Variants in ALK observed in about 807,000 individuals in gnomAD.
ALK encodes ALK tyrosine kinase receptor.
Under a neutral mutation model 163.1 loss-of-function variants are expected in ALK, and 74 were observed. The observed-to-expected ratio is 0.45, with a 90% CI of 0.38 to 0.55. The LOEUF (loss-of-function observed/expected upper bound fraction) is 0.55. Among genes scored for constraint, ALK ranks in the 20% least tolerant of loss-of-function variants. The pLI, the probability that ALK is intolerant of heterozygous loss-of-function variation, is 0.00. For synonymous variants in ALK, 960 were observed against 843.2 expected, an observed-to-expected ratio of 1.14 and a Z score of -2.40; for missense variants, 2,063 against 2,105.3, an observed-to-expected ratio of 0.98 and a Z score of 0.39.
intron 3 of ALK, among the ~76,000 whole-genome samples, chr2:29,540,992 AAGT>A (rs1673397626): frequency 6.6e-6 from 1 of 152,094 alleles, no homozygotes. Flanking sequence ...TCTAAAAAAA[AAGT>A]AGTTTATAGA....
At chr2:29,556,345 T>C (rs1673860616) in intron 3 of ALK, among the ~76,000 whole-genome samples, 1 of 152,202 alleles carries the variant, frequency 6.6e-6, no homozygotes, top group Admixed American at 6.6e-5. Flanking sequence ...GAAACCCATG[T>C]AAAATGCTTA....
chr2:29,700,293 C>A (rs112833250), intron 2 of ALK, among the ~76,000 whole-genome samples: 8,428 of 152,236 alleles, frequency 0.055, 327 homozygotes, highest in African/African-American at 0.1. Context: ...CGCCTGTAAT[C>A]CCAGCACTTT....
chr2:29,660,049 C>T (rs13413921), intron 3 of ALK, among the ~76,000 whole-genome samples: 1,663 of 152,278 alleles, frequency 0.011, 15 homozygotes, highest in South Asian at 0.046. Context: ...AAATAGCCCT[C>T]TAATGTGTAC....
rs540527297 is a variant in ALK at position 29,602,832 on chromosome 2, C to T, written c.953-70716G>A. The stretch of plus-strand genomic sequence containing the variant: ...TATAAAAATATTTGAAACTGTATTC[C>T]GAGCCAGATGTGAAGACCATGACCT... On this transcript the variant is annotated intron_variant, in intron 3 of 28. Coordinates refer to ENST00000389048, the MANE Select transcript of ALK (RefSeq NM_004304.5). Among the ~76,000 whole-genome samples, 18 of 152,272 alleles carry T rather than the reference C, an allele frequency of 1.2e-4. No homozygotes were observed. The South Asian group carries it at 2.1e-3, about 18-fold the overall frequency.
intron 1 of ALK, among the ~76,000 whole-genome samples, chr2:29,844,988 C>T (rs1312446469): frequency 6.6e-6 from 1 of 152,042 alleles, no homozygotes; most frequent in South Asian, 2.1e-4. Context: ...CTGGGGGTTC[C>T]GGGGCTGTCG....
At chr2:29,226,297 G>A (rs1275670228) in intron 18 of ALK, among the ~76,000 whole-genome samples, 4 of 151,942 alleles carry the variant, frequency 2.6e-5, no homozygotes, top group Non-Finnish European at 5.9e-5. Context: ...TGGCCAAAAG[G>A]TGAAACCCTG....
rs114510636 is a variant in ALK at position 29,646,929 on chromosome 2, G to A, written c.952+47921C>T. ...AGTGTAAAAGGATCAAGAAAGCAGG[G>A]ATTGATGTTGATTGGGTTCACTGAT... On this transcript the variant is annotated intron_variant, in intron 3 of 28. Coordinates refer to ENST00000389048, the MANE Select transcript of ALK (RefSeq NM_004304.5). Among the ~76,000 whole-genome samples, 1,215 of 152,276 alleles carry A rather than the reference G, an allele frequency of 8.0e-3. 10 individuals are homozygous for A. The highest frequency in any genetic ancestry group is 0.041 in the Middle Eastern group (12 of 294).
At chr2:29,326,913 C>A (rs1442702106) in intron 6 of ALK, among the ~76,000 whole-genome samples, 1 of 152,194 alleles carries the variant, frequency 6.6e-6, no homozygotes, top group Admixed American at 6.5e-5. Flanking sequence ...TGCTCCGGGT[C>A]TGGGCCCCAC....
Position 29,193,096 on chromosome 2 carries a change from G to C in ALK, c.*128C>G. ...TTTTCAAAATACAGCTTTTTTGGTG[G>C]TACTTCAAAATAGGTTGGCACAAAA... On this transcript the variant is annotated 3_prime_UTR_variant, in exon 29 of 29. Transcript: ENST00000389048. The C allele has an allele frequency of 9.9e-7, 1 of 1,005,218 alleles. No homozygotes were observed. The highest frequency in any genetic ancestry group is 1.5e-6 in the Non-Finnish European group (1 of 657,118). The allele number at this position is 1,005,218 out of a possible 1,614,324, so 62.3% of individuals were successfully genotyped here. A position where few individuals can be genotyped will look rare whatever the true frequency, so the allele number is the denominator to read the frequency against.
At chr2:29,793,492 C>A (rs1664236334) in intron 1 of ALK, among the ~76,000 whole-genome samples, 1 of 152,148 alleles carries the variant, frequency 6.6e-6, no homozygotes, top group Non-Finnish European at 1.5e-5. Context: ...AGGTTTTCAA[C>A]TTACTTTGCC....
At chr2:29,646,963 G>A (rs910948882) in intron 3 of ALK, among the ~76,000 whole-genome samples, 2 of 152,196 alleles carry the variant, frequency 1.3e-5, no homozygotes, top group Admixed American at 6.5e-5. Context: ...ATGGGTCTGT[G>A]TGTATAAACC....
rs149853746 is a variant in ALK at position 29,239,767 on chromosome 2, G to A, written c.2268C>T (p.Gly756=). The A allele has an allele frequency of 5.7e-4, 920 of 1,614,014 alleles. 5 individuals carry two copies. In the African/African-American group the frequency reaches 0.01, roughly 18 times the overall value. The part of the protein sequence containing the change: ...GGKNTMMRSH[G]VSVLGIFNLE... The stretch of plus-strand genomic sequence containing the variant: ...GGTTGAAGATGCCCAGCACAGACAC[G>A]CCGTGGGACCGCATCATGGTGTTCT... Residue 756 remains glycine (G), a synonymous_variant, in exon 13 of 29, where the codon GGC becomes GGT. Transcript: ENST00000389048.
At chr2:29,650,971 G>T (rs556275242) in intron 3 of ALK, among the ~76,000 whole-genome samples, 27 of 152,294 alleles carry the variant, frequency 1.8e-4, no homozygotes, top group African/African-American at 6.3e-4. Flanking sequence ...TAATTATGGA[G>T]AATGCAGAGT....
At chr2:29,584,482 C>G (rs1289886418) in intron 3 of ALK, among the ~76,000 whole-genome samples, 1 of 152,162 alleles carries the variant, frequency 6.6e-6, no homozygotes, top group Non-Finnish European at 1.5e-5. Flanking sequence ...ACAGAGTATG[C>G]AGGCATCCAC....
chr2:29,890,235 G>A (rs1033243171), intron 1 of ALK: 17 of 152,172 alleles, frequency 1.1e-4, no homozygotes, highest in African/African-American at 3.9e-4. Flanking sequence ...TATGTCTTAT[G>A]TTTGGTAACC....
chr2:29,338,044 A>G (rs1183865732), intron 5 of ALK, among the ~76,000 whole-genome samples: 1 of 152,140 alleles, frequency 6.6e-6, no homozygotes, highest in Non-Finnish European at 1.5e-5. Flanking sequence ...TTATGGGCTA[A>G]CTTCAGAGAC....
chr2:29,483,456 T>G (rs558809016), intron 4 of ALK, among the ~76,000 whole-genome samples: 1 of 152,298 alleles, frequency 6.6e-6, no homozygotes, highest in Non-Finnish European at 1.5e-5. Context: ...TCCTGGGAGC[T>G]TTTTAGAAAT....
intron 6 of ALK, among the ~76,000 whole-genome samples, chr2:29,321,532 G>A (rs1185369847): frequency 6.6e-6 from 1 of 152,230 alleles, no homozygotes; most frequent in African/African-American, 2.4e-5. Context: ...TGGAAGTGAT[G>A]TATCTTCTCT....
At chr2:29,874,055 C>A (rs1411606255) in intron 1 of ALK, among the ~76,000 whole-genome samples, 2 of 152,142 alleles carry the variant, frequency 1.3e-5, no homozygotes, top group African/African-American at 4.8e-5. Context: ...AGGAATTGCT[C>A]CACCATCAAA....
Sources: gnomAD v4.1 joint callset for allele counts (sites outside exome capture counted in the v4.1 genomes callset) on GRCh38, gnomAD v4.1.1 for gene constraint, MANE v1.5 for transcripts, NCBI Gene and HGNC (gene_info 2026-07-23, HGNC 2026-07-21) for gene names.